The following CHSY3 variants were observed in gnomAD, a reference collection of about 807,000 sequenced individuals.
The protein encoded by CHSY3 is chondroitin sulfate synthase 3.
In CHSY3, 35 loss-of-function variants were observed where a neutral mutation model predicts 67.2. That is an observed-to-expected ratio of 0.52 (90% confidence interval 0.40 to 0.69). The LOEUF is 0.69. Among genes scored for constraint, CHSY3 ranks in the 30% least tolerant of loss-of-function variants. The pLI is 0.00. For synonymous variants in CHSY3, 474 were observed against 434.7 expected (o/e 1.09, Z -1.12); for missense variants, 1,069 against 1,138.5 (o/e 0.94, Z 0.88).
At chr5:129,986,933 G>A (rs1007183881) in intron 2 of CHSY3, among the ~76,000 whole-genome samples, 5 of 152,152 alleles carry the variant, frequency 3.3e-5, no homozygotes, top group African/African-American at 7.2e-5. Flanking sequence ...GTCAGCCAGT[G>A]TGTCCAGCCA....
intron 2 of CHSY3, among the ~76,000 whole-genome samples, chr5:130,122,270 A>G (rs1768061028): frequency 6.6e-6 from 1 of 152,162 alleles, no homozygotes; most frequent in Non-Finnish European, 1.5e-5. Context: ...TCCTGTCTTT[A>G]TATAATTATT....
chr5:130,062,213 A>G (rs1296375236), intron 2 of CHSY3, among the ~76,000 whole-genome samples: 1 of 152,172 alleles, frequency 6.6e-6, no homozygotes, highest in Non-Finnish European at 1.5e-5. Flanking sequence ...TTACATGGCC[A>G]TTTTAATAAA....
Position 129,907,974 on chromosome 5 carries a change from T to C in CHSY3, c.803-103T>C, listed in dbSNP as rs901323298. On this transcript the variant is annotated intron_variant, in intron 1 of 2. Coordinates refer to ENST00000305031, the MANE Select transcript of CHSY3 (RefSeq NM_175856.5). ...TTTCTTCTTTTCAGTTGTGTAAGAC[T>C]GAGGATTTTAAGCACAATGTTGAAA... is the stretch of plus-strand genomic sequence containing the variant. 9.4e-6 allele frequency: 14 copies of C among 1,487,562 alleles called. No homozygotes were observed. The African/African-American group carries it at 2.0e-4, about 21-fold the overall frequency. 92.1% of individuals were successfully genotyped at this position (1,487,562 alleles called of 1,614,324 possible).
At chr5:129,961,573 C>A (rs1762326526) in intron 2 of CHSY3, among the ~76,000 whole-genome samples, 1 of 151,974 alleles carries the variant, frequency 6.6e-6, no homozygotes, top group Non-Finnish European at 1.5e-5. Flanking sequence ...TCCAGGCTTT[C>A]CACACCTTTT....
At chr5:129,955,413 G>A (rs1055511369) in intron 2 of CHSY3, among the ~76,000 whole-genome samples, 4 of 151,786 alleles carry the variant, frequency 2.6e-5, no homozygotes, top group Non-Finnish European at 5.9e-5. Flanking sequence ...TTTTGTTTTT[G>A]TTTTTAATAT....
chr5:130,066,585 G>A lies in CHSY3; in HGVS notation c.1087-117644G>A, dbSNP rs369422836. 1.7e-4 allele frequency among the ~76,000 whole-genome samples: 26 copies of A among 152,208 alleles called. No homozygotes were observed. The East Asian group carries it at 1.9e-3, about 11-fold the overall frequency. ...AAAAAATTAAGCATAGCATCCTTAA[G>A]CAATCTCAAGAATTCCACCCAGTCC... On this transcript the variant is annotated intron_variant, in intron 2 of 2. Coordinates refer to ENST00000305031, the MANE Select transcript of CHSY3 (RefSeq NM_175856.5).
chr5:130,147,036 C>T lies in CHSY3; in HGVS notation c.1087-37193C>T, dbSNP rs148642851. On this transcript the variant is annotated intron_variant, in intron 2 of 2. Transcript: ENST00000305031. ...CATGAACTCCTGACCTTAAGTGATC[C>T]GCCCACCTCGGCCTCCCAAAATGTT... Among the ~76,000 whole-genome samples the T allele has an allele frequency of 6.2e-3, 945 of 152,242 alleles. 10 individuals carry two copies. Among genetic ancestry groups the T allele is most frequent in the African/African-American group, 0.022 (895 of 41,542 alleles).
intron 2 of CHSY3, among the ~76,000 whole-genome samples, chr5:130,145,533 T>C (rs1486176294): frequency 6.6e-6 from 1 of 152,192 alleles, no homozygotes; most frequent in Non-Finnish European, 1.5e-5. Flanking sequence ...CTTTATGTCA[T>C]TGGCCTGGGC....
intron 2 of CHSY3, among the ~76,000 whole-genome samples, chr5:130,136,602 A>T (rs1768670931): frequency 6.6e-6 from 1 of 152,146 alleles, no homozygotes; most frequent in Admixed American, 6.5e-5. Context: ...ATAGTTTAAG[A>T]TTTCTCTAGA....
At chr5:130,065,993 T>G (rs899051975) in intron 2 of CHSY3, among the ~76,000 whole-genome samples, 3 of 152,048 alleles carry the variant, frequency 2.0e-5, no homozygotes, top group African/African-American at 7.2e-5. Flanking sequence ...CCAAACACAT[T>G]TTGGCTTCTA....
chr5:130,186,047 T>C lies in CHSY3; in HGVS notation c.*256T>C, dbSNP rs192031558. On this transcript the variant is annotated 3_prime_UTR_variant, in exon 3 of 3. Coordinates refer to ENST00000305031, the MANE Select transcript of CHSY3 (RefSeq NM_175856.5). Reference sequence around the variant, plus strand: ...TACTTTTATATAACTTTATTTGAGATTGAGTTAAATCATAGCAATCAAATG... The same window carrying C: ...TACTTTTATATAACTTTATTTGAGACTGAGTTAAATCATAGCAATCAAATG... 4.7e-6 allele frequency: 1 copy of C among 211,602 alleles called. No homozygotes were observed. The highest frequency in any genetic ancestry group is 9.3e-6 in the Non-Finnish European group (1 of 107,806). The allele number at this position is 211,602 out of a possible 1,614,324, so 13.1% of individuals were successfully genotyped here.
chr5:130,118,554 AGTG>A (rs1189813913), intron 2 of CHSY3, among the ~76,000 whole-genome samples: 2 of 152,010 alleles, frequency 1.3e-5, no homozygotes, highest in Admixed American at 1.3e-4. Flanking sequence ...TGTATTATAT[AGTG>A]GTGATTCTCA....
At chr5:130,107,435 C>T (rs556142177) in intron 2 of CHSY3, among the ~76,000 whole-genome samples, 9 of 150,394 alleles carry the variant, frequency 6.0e-5, no homozygotes, top group Admixed American at 2.0e-4. Flanking sequence ...GTATTCCTTA[C>T]GGGGCTAGTG....
intron 2 of CHSY3, among the ~76,000 whole-genome samples, chr5:129,961,782 G>T (rs1487348930): frequency 6.6e-6 from 1 of 151,740 alleles, no homozygotes; most frequent in African/African-American, 2.4e-5. Flanking sequence ...ATAAACTTGT[G>T]CAACAGCTGT....
At chr5:129,907,132 A>G (rs985638285) in intron 1 of CHSY3, among the ~76,000 whole-genome samples, 1 of 152,194 alleles carries the variant, frequency 6.6e-6, no homozygotes, top group Non-Finnish European at 1.5e-5. Context: ...AGTTTGCCAC[A>G]TTTTGCAGGG....
chr5:130,087,640 C>T (rs1392993565), intron 2 of CHSY3, among the ~76,000 whole-genome samples: 1 of 151,956 alleles, frequency 6.6e-6, no homozygotes, highest in Non-Finnish European at 1.5e-5. Context: ...GAATAAAATA[C>T]CTAGGAATCC....
intron 2 of CHSY3, among the ~76,000 whole-genome samples, chr5:129,954,540 G>A (rs1762114546): frequency 6.6e-6 from 1 of 151,868 alleles, no homozygotes; most frequent in African/African-American, 2.4e-5. Flanking sequence ...TAACTTGATG[G>A]GGATAGCATT....
chr5:129,953,720 C>T (rs1362593202), intron 2 of CHSY3, among the ~76,000 whole-genome samples: 1 of 151,898 alleles, frequency 6.6e-6, no homozygotes, highest in Non-Finnish European at 1.5e-5. Context: ...TTGCATTTCT[C>T]TAATGACCAG....
chr5:129,923,847 A>G (rs931863322), intron 2 of CHSY3, among the ~76,000 whole-genome samples: 1 of 152,234 alleles, frequency 6.6e-6, no homozygotes, highest in Non-Finnish European at 1.5e-5. Flanking sequence ...TTTTAGTAGA[A>G]AAGTAAGGAT....
Sources: gnomAD v4.1 joint callset for allele counts (sites outside exome capture counted in the v4.1 genomes callset) on GRCh38, gnomAD v4.1.1 for gene constraint, MANE v1.5 for transcripts, NCBI Gene and HGNC (gene_info 2026-07-23, HGNC 2026-07-21) for gene names.